The following CNTNAP2 variants were observed in gnomAD, a reference collection of about 807,000 sequenced individuals.
CNTNAP2 encodes contactin associated protein 2, also known as contactin-associated protein-like 2.
CNTNAP2 carries 98 observed loss-of-function variants against 155.2 expected under a neutral mutation model. That is an observed-to-expected ratio of 0.63 (90% CI 0.54 to 0.75). The LOEUF is 0.75. Among genes scored for constraint, CNTNAP2 ranks in the 30% least tolerant of loss-of-function variants. The pLI is 0.00. For synonymous variants in CNTNAP2, 651 were observed against 631.2 expected (o/e 1.03, Z -0.47); for missense variants, 1,727 against 1,688.1 (o/e 1.02, Z -0.40).
chr7:147,930,257 C>T (rs2116797220), intron 14 of CNTNAP2, among the ~76,000 whole-genome samples: 1 of 151,914 alleles, frequency 6.6e-6, no homozygotes, highest in East Asian at 1.9e-4. Context: ...AGACTAGACT[C>T]CCCAATCAAA....
chr7:147,466,296 A>G (rs1344717091), intron 10 of CNTNAP2, among the ~76,000 whole-genome samples: 1 of 152,184 alleles, frequency 6.6e-6, no homozygotes, highest in Non-Finnish European at 1.5e-5. Flanking sequence ...CCTCTCTGGA[A>G]TGGAGGTTTT....
intron 1 of CNTNAP2, among the ~76,000 whole-genome samples, chr7:146,601,965 T>G (rs1368712185): frequency 6.6e-6 from 1 of 151,772 alleles, no homozygotes; most frequent in Admixed American, 6.6e-5. Flanking sequence ...AATAAATAAA[T>G]AAAGATTGAA....
chr7:147,677,563 T>C (rs1427246603), intron 13 of CNTNAP2, among the ~76,000 whole-genome samples: 1 of 151,910 alleles, frequency 6.6e-6, no homozygotes, highest in Non-Finnish European at 1.5e-5. Flanking sequence ...TCGCCTGTGC[T>C]TTTGAAGTTA....
chr7:146,585,417 G>A (rs1240045604), intron 1 of CNTNAP2, among the ~76,000 whole-genome samples: 1 of 152,032 alleles, frequency 6.6e-6, no homozygotes, highest in Non-Finnish European at 1.5e-5. Flanking sequence ...ACCGCACCCG[G>A]CCTAAACCTG....
At chr7:148,003,816 T>C (rs1179979457) in intron 15 of CNTNAP2, among the ~76,000 whole-genome samples, 2 of 152,226 alleles carry the variant, frequency 1.3e-5, no homozygotes, top group African/African-American at 2.4e-5. Context: ...TTAAGATAAA[T>C]AGACAATTAG....
chr7:148,269,440 A>G (rs1796735397), intron 21 of CNTNAP2, among the ~76,000 whole-genome samples: 1 of 152,216 alleles, frequency 6.6e-6, no homozygotes, highest in Admixed American at 6.5e-5. Context: ...TGTTCTGTGA[A>G]CAAGAAGAGA....
intron 13 of CNTNAP2, among the ~76,000 whole-genome samples, chr7:147,834,953 C>T (rs1226306238): frequency 6.6e-6 from 1 of 152,184 alleles, no homozygotes; most frequent in Non-Finnish European, 1.5e-5. Context: ...AACTTTCTTT[C>T]TCTCCACTTG....
At chr7:146,475,041 G>A (rs75873189) in intron 1 of CNTNAP2, among the ~76,000 whole-genome samples, 2,803 of 142,256 alleles carry the variant, frequency 0.02, 51 homozygotes, top group African/African-American at 0.047. Flanking sequence ...ACACACACAC[G>A]TACTTACATA....
chr7:148,024,091 T>C (rs1254980427), intron 15 of CNTNAP2, among the ~76,000 whole-genome samples: 2 of 146,598 alleles, frequency 1.4e-5, no homozygotes, highest in African/African-American at 5.0e-5. Context: ...GGAGTACAAT[T>C]TACAAATAGT....
intron 15 of CNTNAP2, among the ~76,000 whole-genome samples, chr7:148,030,016 G>T (rs1407493148): frequency 6.6e-6 from 1 of 152,158 alleles, no homozygotes; most frequent in African/African-American, 2.4e-5. Context: ...ATCTTCAGAG[G>T]ACAGACACTC....
intron 21 of CNTNAP2, among the ~76,000 whole-genome samples, chr7:148,336,611 G>A (rs1234559823): frequency 2.0e-5 from 3 of 151,102 alleles, no homozygotes; most frequent in Non-Finnish European, 4.4e-5. Flanking sequence ...TTTAACAACT[G>A]GCGGAGCCAA....
chr7:147,501,971 G>C (rs533649450), intron 11 of CNTNAP2, among the ~76,000 whole-genome samples: 2 of 152,188 alleles, frequency 1.3e-5, no homozygotes, highest in Non-Finnish European at 2.9e-5. Flanking sequence ...ACTTGTAATA[G>C]TATCAAAAAG....
intron 1 of CNTNAP2, among the ~76,000 whole-genome samples, chr7:146,353,672 C>G (rs867878389): frequency 6.6e-6 from 1 of 152,096 alleles, no homozygotes; most frequent in African/African-American, 2.4e-5. Flanking sequence ...GCATGACAGT[C>G]AAGCTCCTTG....
chr7:148,396,276 T>C (rs1799466203), intron 22 of CNTNAP2, among the ~76,000 whole-genome samples: 1 of 152,164 alleles, frequency 6.6e-6, no homozygotes, highest in African/African-American at 2.4e-5. Flanking sequence ...CTCAGTGTTA[T>C]CCCTTGACTT....
intron 4 of CNTNAP2, among the ~76,000 whole-genome samples, chr7:147,059,797 C>T (rs976918292): frequency 3.3e-5 from 5 of 152,076 alleles, no homozygotes; most frequent in Non-Finnish European, 5.9e-5. Flanking sequence ...AACTTACTCT[C>T]ATAACAAGCA....
At chr7:146,568,451 C>T (rs955302834) in intron 1 of CNTNAP2, among the ~76,000 whole-genome samples, 1 of 152,100 alleles carries the variant, frequency 6.6e-6, no homozygotes, top group Non-Finnish European at 1.5e-5. Context: ...ATTTACTGAT[C>T]GTATAGGATT....
At chr7:146,465,145 C>A (rs1452941099) in intron 1 of CNTNAP2, among the ~76,000 whole-genome samples, 3 of 152,146 alleles carry the variant, frequency 2.0e-5, no homozygotes, top group African/African-American at 7.2e-5. Context: ...CACACACACA[C>A]ACACACAGCC....
At position 147,615,277 on chromosome 7, in the gene CNTNAP2, C is replaced by CAAA. The variant is rs58247626; in HGVS notation, c.1898-23798_1898-23796dup. On this transcript the variant is annotated intron_variant, in intron 12 of 23. Transcript: ENST00000361727. ...GACGGAGAGGAGCGAGACCCTGTCT[C>CAAA]AAAAAAAAAAAAAAAAAAAAAAAAA... Among the ~76,000 whole-genome samples the CAAA allele has an allele frequency of 6.1e-3, 172 of 28,052 alleles. 14 individuals carry two copies. The highest frequency in any genetic ancestry group is 0.014 in the East Asian group (9 of 652). The allele number at this position is 28,052 out of a possible 152,430, so 18.4% of individuals were successfully genotyped here. A position where few individuals can be genotyped will look rare whatever the true frequency, so the allele number is the denominator to read the frequency against.
At chr7:146,353,953 A>G (rs1447731753) in intron 1 of CNTNAP2, among the ~76,000 whole-genome samples, 5 of 152,192 alleles carry the variant, frequency 3.3e-5, no homozygotes, top group Non-Finnish European at 7.3e-5. Flanking sequence ...AAATATTGCT[A>G]GGCATAAAAA....
Sources: gnomAD v4.1 joint callset for allele counts (sites outside exome capture counted in the v4.1 genomes callset) on GRCh38, gnomAD v4.1.1 for gene constraint, MANE v1.5 for transcripts, NCBI Gene and HGNC (gene_info 2026-07-23, HGNC 2026-07-21) for gene names.